PTPN6: variants seen among roughly 807,000 people sequenced by gnomAD.
PTPN6 encodes the protein protein tyrosine phosphatase non-receptor type 6, also known as tyrosine-protein phosphatase non-receptor type 6.
Under a neutral mutation model 81.5 loss-of-function variants are expected in PTPN6, and 18 were observed. That is an observed-to-expected ratio of 0.22 (90% CI 0.15 to 0.33). The LOEUF (loss-of-function observed/expected upper bound fraction) is 0.33, where lower values mean the gene tolerates loss of function less well. PTPN6 is among the 10% of genes least tolerant of loss of function. The probability of loss-of-function intolerance (pLI) is 1.00; values close to 1 mark genes in which losing one functional copy is unlikely to be tolerated. For missense variants in PTPN6, 500 were observed against 794.2 expected (o/e 0.63, Z 4.45); for synonymous variants, 301 against 310.9 (o/e 0.97, Z 0.33).
Position 6,957,797 on chromosome 12 carries a change from C to G in PTPN6, c.1206+12C>G. The G allele has an allele frequency of 6.2e-7, 1 of 1,614,108 alleles. No individual in the cohort carries two copies. The highest frequency in any genetic ancestry group is 8.5e-7 in the Non-Finnish European group (1 of 1,180,034). ...CCCCGCTGGACAATGTGAGTGGCCC[C>G]CACGCCCTGCCCCATTCCGGGAGTC... On this transcript the variant is annotated intron_variant, in intron 10 of 15. Coordinates refer to ENST00000318974, the MANE Select transcript of PTPN6 (RefSeq NM_002831.6). This position sits in a 1 kb window ranked among gnomAD's most constrained non-coding sequence, Gnocchi z 6.5.
At position 6,960,259 on chromosome 12, in the gene PTPN6, T is replaced by TG. The variant is rs35119590; in HGVS notation, c.1581+34dup. 4,017 of 1,143,642 alleles carry TG rather than the reference T, an allele frequency of 3.5e-3. 6 individuals are homozygous for TG. The highest frequency in any genetic ancestry group is 0.015 in the African/African-American group (700 of 45,716). The allele number at this position is 1,143,642 out of a possible 1,614,324, so 70.8% of individuals were successfully genotyped here. ...CTGCAGGTGCGTGCAGAGCAGGGCC[T>TG]GGGGGGGGGGGGGGCTGCAGTGCAG... On this transcript the variant is annotated intron_variant, in intron 13 of 15. Coordinates refer to ENST00000318974, the MANE Select transcript of PTPN6 (RefSeq NM_002831.6). This position sits in a 1 kb window ranked among gnomAD's most constrained non-coding sequence, Gnocchi z 6.1.
At chr12:6,950,230 G>A (rs894912592), upstream of PTPN6, among the ~76,000 whole-genome samples, 1 of 151,624 alleles carries the variant, frequency 6.6e-6, no homozygotes, top group Non-Finnish European at 1.5e-5. Context: ...ATTCAAAAAG[G>A]TATGTAGAGA....
chr12:6,949,853 G>T (rs781863322), upstream of PTPN6, among the ~76,000 whole-genome samples: 1 of 144,402 alleles, frequency 6.9e-6, no homozygotes, highest in African/African-American at 2.6e-5. Flanking sequence ...TCACTCTGTT[G>T]CCCAGGCTGG....
chr12:6,955,858 T>TCCCCACA lies in PTPN6; in HGVS notation c.844+107_844+113dup. The TCCCCACA allele has an allele frequency of 9.0e-7, 1 of 1,117,090 alleles. No individual in the cohort carries two copies. The highest frequency in any genetic ancestry group is 2.4e-5 in the East Asian group (1 of 41,312). The allele number at this position is 1,117,090 out of a possible 1,614,324, so 69.2% of individuals were successfully genotyped here. A position where few individuals can be genotyped will look rare whatever the true frequency, so the allele number is the denominator to read the frequency against. On this transcript the variant is annotated intron_variant, in intron 7 of 15. Transcript: ENST00000318974. This position sits in a 1 kb window ranked among gnomAD's most constrained non-coding sequence, Gnocchi z 7.2. ...ACCCTCCACGCCAGGAGGGGCCATC[T>TCCCCACA]CCCCACACCCCCCACAGAGCCTCCC...
Position 6,954,691 on chromosome 12 carries a change from G to A in PTPN6, c.327-114G>A, listed in dbSNP as rs1458810270. ...GGTGGTGGATTTGGAAGCATGTAGC[G>A]CAGTGCCTGGCACACAGTAGGTGCT... is the stretch of plus-strand genomic sequence containing the variant. On this transcript the variant is annotated intron_variant, in intron 3 of 15. Coordinates refer to ENST00000318974, the MANE Select transcript of PTPN6 (RefSeq NM_002831.6). This position sits in a 1 kb window ranked among gnomAD's most constrained non-coding sequence, Gnocchi z 5.4. The A allele has an allele frequency of 1.7e-5, 17 of 1,027,938 alleles. No homozygotes were observed. The highest frequency in any genetic ancestry group is 2.8e-5 in the South Asian group (2 of 72,432). 63.7% of individuals were successfully genotyped at this position (1,027,938 alleles called of 1,614,324 possible).
At chr12:6,953,033 A>T (rs1365960681) in intron 3 of PTPN6, 1 of 152,144 alleles carries the variant, frequency 6.6e-6, no homozygotes, top group Admixed American at 6.5e-5. Context: ...TATTGAAATG[A>T]TCGGGAACCT....
chr12:6,960,634 G>C lies in PTPN6; in HGVS notation c.1674-172G>C. ...TCTGCTAGGTACCAGCAGCGCACTC[G>C]TGTATGAGATGTAGCCTCTGTCCTC... On this transcript the variant is annotated intron_variant, in intron 14 of 15. Coordinates refer to ENST00000318974, the MANE Select transcript of PTPN6 (RefSeq NM_002831.6). The surrounding 1 kb of genome is among the most constrained non-coding windows in gnomAD (Gnocchi z 6.1). 6.5e-7 allele frequency: 1 copy of C among 1,532,930 alleles called. No homozygotes were observed. Among genetic ancestry groups the C allele is most frequent in the Non-Finnish European group, 8.8e-7 (1 of 1,130,670 alleles). 95.0% of individuals were successfully genotyped at this position (1,532,930 alleles called of 1,614,324 possible).
At chr12:6,951,006 C>T (rs782479436), upstream of PTPN6, among the ~76,000 whole-genome samples, 2 of 152,302 alleles carry the variant, frequency 1.3e-5, no homozygotes, top group South Asian at 2.1e-4. The surrounding 1 kb of genome is among the most constrained non-coding windows in gnomAD (Gnocchi z 7.2). Flanking sequence ...CAGTTGTCAC[C>T]GCCATCATTG....
chr12:6,948,557 AGAAAG>A (rs782097610), upstream of PTPN6, among the ~76,000 whole-genome samples: 209 of 151,884 alleles, frequency 1.4e-3, 1 homozygote, highest in South Asian at 0.029. Flanking sequence ...AAGAAAGAAA[AGAAAG>A]GAAAGAAAAA....
rs1158158379 is a variant in PTPN6 at position 6,954,704 on chromosome 12, C to T, written c.327-101C>T. On this transcript the variant is annotated intron_variant, in intron 3 of 15. Transcript: ENST00000318974. This position sits in a 1 kb window ranked among gnomAD's most constrained non-coding sequence, Gnocchi z 5.4. ...GAAGCATGTAGCGCAGTGCCTGGCA[C>T]ACAGTAGGTGCTTGATTTCCGGCCC... The T allele has an allele frequency of 4.1e-6, 5 of 1,223,754 alleles. No homozygotes were observed. Among genetic ancestry groups the T allele is most frequent in the Non-Finnish European group, 5.8e-6 (5 of 862,014 alleles). The allele number at this position is 1,223,754 out of a possible 1,614,324, so 75.8% of individuals were successfully genotyped here. A position where few individuals can be genotyped will look rare whatever the true frequency, so the allele number is the denominator to read the frequency against.
Position 6,951,764 on chromosome 12 carries a change from G to A in PTPN6, c.131+33G>A, listed in dbSNP as rs782114060. The A allele has an allele frequency of 3.1e-6, 5 of 1,607,374 alleles. No individual in the cohort carries two copies. In the South Asian group the frequency reaches 5.5e-5, roughly 18 times the overall value. On this transcript the variant is annotated intron_variant, in intron 2 of 15. Coordinates refer to ENST00000318974, the MANE Select transcript of PTPN6 (RefSeq NM_002831.6). This position sits in a 1 kb window ranked among gnomAD's most constrained non-coding sequence, Gnocchi z 7.2. ...GGCCCCCCGCAACCCCGGGCATTTT[G>A]GCCACTCTCTTGTGCCATCCAGGCC...
upstream of PTPN6, chr12:6,951,273 T>C: frequency 6.9e-7 from 1 of 1,447,274 alleles, no homozygotes; most frequent in Non-Finnish European, 9.1e-7. The surrounding 1 kb of genome is among the most constrained non-coding windows in gnomAD (Gnocchi z 7.2). Flanking sequence ...CTTGCTGTGC[T>C]CTAAAACGAG....
In PTPN6 at chr12:6,957,696, G is replaced by A; in HGVS notation, c.1117G>A (p.Ala373Thr). 1.2e-6 allele frequency: 2 copies of A among 1,614,006 alleles called. No homozygotes were observed. Among genetic ancestry groups the A allele is most frequent in the African/African-American group, 1.3e-5 (1 of 75,016 alleles). Residue 373 changes from alanine (A) to threonine (T), a missense_variant, in exon 10 of 16, where the codon GCT (alanine) becomes ACT (threonine). This residue lies in a region of PTPN6 where 226 missense variants were observed against 364.4 expected (regional missense o/e 0.62). Transcript: ENST00000318974. This position sits in a 1 kb window ranked among gnomAD's most constrained non-coding sequence, Gnocchi z 6.5. ...CTGGCCCGAGGTGGGCATGCAGCGT[G>A]CTTATGGGCCCTACTCTGTGACCAA... is the stretch of plus-strand genomic sequence containing the variant. ...PYWPEVGMQR[A>T]YGPYSVTNCG...
In PTPN6 at chr12:6,960,234, CTG is replaced by C; in HGVS notation, c.1577_1578del (p.Leu526ProfsTer39). 1 of 1,595,894 alleles carries C rather than the reference CTG, an allele frequency of 6.3e-7. No individual in the cohort carries two copies. The highest frequency in any genetic ancestry group is 8.5e-7 in the Non-Finnish European group (1 of 1,173,656). On this transcript the variant is annotated frameshift_variant, in exon 13 of 16. Transcript: ENST00000318974. LOFTEE classifies it high-confidence loss of function. This position sits in a 1 kb window ranked among gnomAD's most constrained non-coding sequence, Gnocchi z 6.1. ...AACCACTAAGAAGAAGCTGGAGGTCCTGCAGGTGCGTGCAGAGCAGGGCCTGG... is the reference window on the plus strand; with the variant it reads ...AACCACTAAGAAGAAGCTGGAGGTCCCAGGTGCGTGCAGAGCAGGGCCTGG... Reference protein sequence around the residue: ...IETTKKKLEVLQSQKGQESEY... With the variant: ...IETTKKKLEVXQSQKGQESEY...
At chr12:6,958,592 C>T (rs956876082) in intron 11 of PTPN6, among the ~76,000 whole-genome samples, 5 of 152,256 alleles carry the variant, frequency 3.3e-5, no homozygotes, top group African/African-American at 7.2e-5. Context: ...CCCATCCTGG[C>T]CCCCAGGGCT....
upstream of PTPN6, chr12:6,946,738 G>A: frequency 6.2e-7 from 1 of 1,612,204 alleles, no homozygotes; most frequent in South Asian, 1.1e-5. Context: ...GCTGTCCCGT[G>A]GGTAAGTCCC....
intron 15 of PTPN6, 88 bp downstream of exon 15, chr12:6,961,033 C>A: frequency 6.5e-7 from 1 of 1,532,354 alleles, no homozygotes; most frequent in South Asian, 1.2e-5. Context: ...GTGGCCGCAG[C>A]CTCATTCTGT....
At chr12:6,946,700 C>T (rs374587354), upstream of PTPN6, 16 of 1,609,004 alleles carry the variant, frequency 9.9e-6, no homozygotes, top group East Asian at 2.2e-5. Flanking sequence ...GGCCCTCTGC[C>T]GTGGCTTCCC....
chr12:6,959,716 C>G lies in PTPN6; in HGVS notation c.1362-211C>G. ...AGGATGGTGGCAGCTGGGGAGCCAGCGTCAGCACCGCAGAGCCCGAGGTGG... is the reference window on the plus strand; with the variant it reads ...AGGATGGTGGCAGCTGGGGAGCCAGGGTCAGCACCGCAGAGCCCGAGGTGG... On this transcript the variant is annotated intron_variant, in intron 11 of 15. Coordinates refer to ENST00000318974, the MANE Select transcript of PTPN6 (RefSeq NM_002831.6). This position sits in a 1 kb window ranked among gnomAD's most constrained non-coding sequence, Gnocchi z 6.6. 1 of 614,986 alleles carries G rather than the reference C, an allele frequency of 1.6e-6. No individual in the cohort carries two copies. The highest frequency in any genetic ancestry group is 1.9e-5 in the South Asian group (1 of 53,068). The allele number at this position is 614,986 out of a possible 1,614,324, so 38.1% of individuals were successfully genotyped here.
Sources: gnomAD v4.1 joint callset for allele counts (sites outside exome capture counted in the v4.1 genomes callset) on GRCh38, gnomAD v4.1.1 for gene constraint, gnomAD v4.1.1 regional missense constraint, Gnocchi (gnomAD v3.1) non-coding constraint, MANE v1.5 for transcripts, NCBI Gene and HGNC (gene_info 2026-07-23, HGNC 2026-07-21) for gene names.